KBTBD12: variants seen among roughly 807,000 people sequenced by gnomAD.
KBTBD12 encodes the protein kelch repeat and BTB domain containing 12, also known as kelch repeat and BTB domain-containing protein 12.
KBTBD12 carries 53 observed loss-of-function variants against 58.7 expected under a neutral mutation model. The ratio of observed to expected loss-of-function variants is 0.90; its 90% CI spans 0.72 to 1.14. The LOEUF is 1.14. KBTBD12 is among the 50% of genes most tolerant of loss of function. KBTBD12 has a pLI of 0.00. For missense variants in KBTBD12, 704 were observed against 751.3 expected (o/e 0.94, Z 0.74); for synonymous variants, 236 against 259.8 (o/e 0.91, Z 0.88).
intron 4 of KBTBD12, among the ~76,000 whole-genome samples, chr3:127,946,388 T>C (rs1422290401): frequency 6.6e-6 from 1 of 152,224 alleles, no homozygotes; most frequent in Non-Finnish European, 1.5e-5. Context: ...TCAAGGTATA[T>C]GTTTTGCTGG....
intron 4 of KBTBD12, among the ~76,000 whole-genome samples, chr3:127,934,045 G>T (rs1009355420): frequency 2.0e-5 from 3 of 151,992 alleles, no homozygotes. Flanking sequence ...AAAAGAAACA[G>T]AAAAGCATAA....
rs145897291 is a variant in KBTBD12, at chr3:127,924,640, G to A, written c.1070+509G>A. Reference sequence around the variant, plus strand: ...ACTCCTTTGAATTTTTTTTTAGTTCGTAATTTAGAGCAATAAGTAATTTTT... The same window carrying A: ...ACTCCTTTGAATTTTTTTTTAGTTCATAATTTAGAGCAATAAGTAATTTTT... On this transcript the variant is annotated intron_variant, in intron 2 of 5. Coordinates refer to ENST00000405109, the MANE Select transcript of KBTBD12 (RefSeq NM_207335.4). 6.2e-3 allele frequency among the ~76,000 whole-genome samples: 941 copies of A among 151,524 alleles called. 8 individuals are homozygous for A. The highest frequency in any genetic ancestry group is 8.6e-3 in the Non-Finnish European group (581 of 67,848).
chr3:127,936,616 A>C (rs1939836444), intron 4 of KBTBD12, among the ~76,000 whole-genome samples: 1 of 152,216 alleles, frequency 6.6e-6, no homozygotes, highest in Non-Finnish European at 1.5e-5. Flanking sequence ...AAGTTGTCTC[A>C]ATAAGTAAAT....
rs1189456126 is a variant in KBTBD12 at position 127,985,005 on chromosome 3, AG to A, written c.*728del. On this transcript the variant is annotated 3_prime_UTR_variant, in exon 6 of 6. Transcript: ENST00000405109. ...CCCTAACAACCAAGGCACTCAAGCCAGACCACAGTGGCCAAGAATCCTGCCC... is the reference window on the plus strand; with the variant it reads ...CCCTAACAACCAAGGCACTCAAGCCAACCACAGTGGCCAAGAATCCTGCCC... The A allele has an allele frequency of 6.6e-6, 1 of 152,394 alleles. No homozygotes were observed. Among genetic ancestry groups the A allele is most frequent in the East Asian group, 1.9e-4 (1 of 5,200 alleles). 9.4% of individuals were successfully genotyped at this position (152,394 alleles called of 1,614,324 possible).
chr3:127,923,738 A>C lies in KBTBD12; in HGVS notation c.677A>C (p.Asn226Thr). 5 of 1,613,904 alleles carry C rather than the reference A, an allele frequency of 3.1e-6. No individual in the cohort carries two copies. Among genetic ancestry groups the C allele is most frequent in the Non-Finnish European group, 4.2e-6 (5 of 1,179,826 alleles). ...AAGCAAGTCAGATTGGAACTTGTAA[A>C]TCCTTCTTTTTTAAGACAAGCCCTA... ...LLKQVRLELV[N>T]PSFLRQALRR... Residue 226 changes from asparagine (N) to threonine (T), a missense_variant, in exon 2 of 6, where the codon AAT becomes ACT. Transcript: ENST00000405109.
intron 5 of KBTBD12, among the ~76,000 whole-genome samples, chr3:127,977,067 C>T (rs568108217): frequency 9.7e-4 from 148 of 152,266 alleles, no homozygotes; most frequent in African/African-American, 3.4e-3. Flanking sequence ...ATGTTTAGCT[C>T]CCACTTATAA....
chr3:127,929,752 A>G (rs1334198610), intron 3 of KBTBD12, among the ~76,000 whole-genome samples: 5 of 152,168 alleles, frequency 3.3e-5, no homozygotes, highest in Non-Finnish European at 7.4e-5. Flanking sequence ...GTTTCTCACA[A>G]ATATTAAAAT....
intron 4 of KBTBD12, among the ~76,000 whole-genome samples, chr3:127,937,043 C>G (rs1939844618): frequency 6.6e-6 from 1 of 152,140 alleles, no homozygotes; most frequent in South Asian, 2.1e-4. Context: ...AATTCACATT[C>G]TCTCAAGAAA....
intron 4 of KBTBD12, among the ~76,000 whole-genome samples, chr3:127,950,695 G>A (rs1242429765): frequency 1.3e-5 from 2 of 152,154 alleles, no homozygotes; most frequent in African/African-American, 4.8e-5. Flanking sequence ...TGCACATAGT[G>A]AAGGATCAGC....
chr3:127,956,487 T>C lies in KBTBD12; in HGVS notation c.1493-6702T>C, dbSNP rs918956677. Among the ~76,000 whole-genome samples, 3 of 152,200 alleles carry C rather than the reference T, an allele frequency of 2.0e-5. No individual in the cohort carries two copies. In the East Asian group the frequency reaches 5.8e-4, roughly 29 times the overall value. On this transcript the variant is annotated intron_variant, in intron 4 of 5. Coordinates refer to ENST00000405109, the MANE Select transcript of KBTBD12 (RefSeq NM_207335.4). Reference sequence around the variant, plus strand: ...AAAAAAAAAAAAAAATCCTCAAACTTGTTATTCTATGACACCCAGTACAAA... The same window carrying C: ...AAAAAAAAAAAAAAATCCTCAAACTCGTTATTCTATGACACCCAGTACAAA...
At chr3:127,918,711 CAAAAAA>C (rs56759676) in intron 1 of KBTBD12, among the ~76,000 whole-genome samples, 1 of 117,612 alleles carries the variant, frequency 8.5e-6, no homozygotes, top group Non-Finnish European at 1.7e-5. Flanking sequence ...GACTCCGTCT[CAAAAAA>C]AAAAAAAAGA....
Position 127,924,040 on chromosome 3 carries a change from G to A in KBTBD12, c.979G>A (p.Val327Ile). 1 of 1,613,796 alleles carries A rather than the reference G, an allele frequency of 6.2e-7. No homozygotes were observed. The highest frequency in any genetic ancestry group is 8.5e-7 in the Non-Finnish European group (1 of 1,179,738). ...GGGTTTAGGAACTGTGTGTACTGGTGTTGTCATGGAAAATAATACTATAAT... is the reference window on the plus strand; with the variant it reads ...GGGTTTAGGAACTGTGTGTACTGGTATTGTCATGGAAAATAATACTATAAT... ...GEGLGTVCTG[V>I]VMENNTIIVA... Residue 327 changes from valine to isoleucine, a missense_variant, in exon 2 of 6, where the codon GTT becomes ATT. By Grantham distance (29) the Val-to-Ile change is conservative (BLOSUM62 3). Transcript: ENST00000405109.
chr3:127,974,715 C>T (rs1302088101), intron 5 of KBTBD12, among the ~76,000 whole-genome samples: 2 of 152,168 alleles, frequency 1.3e-5, no homozygotes, highest in African/African-American at 2.4e-5. Context: ...TGGCCAGGCA[C>T]GGTGGCTCAC....
At chr3:127,983,894 T>C (rs1177614974) in intron 5 of KBTBD12, among the ~76,000 whole-genome samples, 1 of 152,124 alleles carries the variant, frequency 6.6e-6, no homozygotes, top group Non-Finnish European at 1.5e-5. Context: ...AGATCCCCAG[T>C]CTTGAACTCT....
intron 4 of KBTBD12, among the ~76,000 whole-genome samples, chr3:127,961,522 A>G (rs1940438781): frequency 6.6e-6 from 1 of 152,212 alleles, no homozygotes; most frequent in African/African-American, 2.4e-5. Flanking sequence ...TTTTCCTTCA[A>G]AGTGCCCTTC....
intron 4 of KBTBD12, among the ~76,000 whole-genome samples, chr3:127,952,634 T>C (rs1381086986): frequency 2.0e-5 from 3 of 152,188 alleles, no homozygotes; most frequent in African/African-American, 7.2e-5. Flanking sequence ...ATGTCTCCAG[T>C]TTTTTCAGAA....
intron 4 of KBTBD12, among the ~76,000 whole-genome samples, chr3:127,940,175 C>T (rs1050010450): frequency 1.3e-5 from 2 of 151,954 alleles, no homozygotes; most frequent in Admixed American, 6.6e-5. Context: ...ATTTAACACT[C>T]CTCTCTCAAT....
intron 4 of KBTBD12, among the ~76,000 whole-genome samples, chr3:127,936,825 A>C (rs905998508): frequency 2.0e-5 from 3 of 152,184 alleles, no homozygotes; most frequent in Admixed American, 2.0e-4. Flanking sequence ...ATCTCAGAGG[A>C]CTTCAAAGAA....
Position 127,987,610 on chromosome 3 carries a change from T to C in KBTBD12, c.*3332T>C, listed in dbSNP as rs539004682. On this transcript the variant is annotated 3_prime_UTR_variant, in exon 6 of 6. Transcript: ENST00000405109. ...CACGGTGGCATTGTTCTCCCTGACT[T>C]CATAATGAGCAAATGTTTCACATTT... is the stretch of plus-strand genomic sequence containing the variant. The C allele has an allele frequency of 6.6e-6, 1 of 152,368 alleles. No individual in the cohort carries two copies. Among genetic ancestry groups the C allele is most frequent in the South Asian group, 2.1e-4 (1 of 4,826 alleles). The allele number at this position is 152,368 out of a possible 1,614,324, so 9.4% of individuals were successfully genotyped here. A position where few individuals can be genotyped will look rare whatever the true frequency, so the allele number is the denominator to read the frequency against.
Sources: gnomAD v4.1 joint callset for allele counts (sites outside exome capture counted in the v4.1 genomes callset) on GRCh38, gnomAD v4.1.1 for gene constraint, MANE v1.5 for transcripts, NCBI Gene and HGNC (gene_info 2026-07-23, HGNC 2026-07-21) for gene names.